The following ACTR3C variants were observed in gnomAD, a reference collection of about 807,000 sequenced individuals.
ACTR3C encodes the protein actin-related protein 3C.
Under a neutral mutation model 26.3 loss-of-function variants are expected in ACTR3C, and 18 were observed. That is an observed-to-expected ratio of 0.68 (90% confidence interval 0.47 to 1.01). The LOEUF is 1.01. ACTR3C is among the 50% of genes least tolerant of loss of function. ACTR3C has a pLI of 0.00. For synonymous variants in ACTR3C, 55 were observed against 94.5 expected (o/e 0.58, Z 2.42); for missense variants, 184 against 250.7 (o/e 0.73, Z 1.80).
the ACTR3C span, among the ~76,000 whole-genome samples, chr7:150,204,852 T>C: frequency 6.6e-6 from 1 of 150,590 alleles, no homozygotes; most frequent in Non-Finnish European, 1.5e-5. Context: ...GACTGGCGAG[T>C]GCAGAGGAGG....
At chr7:150,088,607 C>T in the ACTR3C span, among the ~76,000 whole-genome samples, 4 of 152,130 alleles carry the variant, frequency 2.6e-5, no homozygotes, top group Admixed American at 2.0e-4. Flanking sequence ...ATAACACCTA[C>T]TTTGCCTTTT....
At chr7:149,893,041 A>G in the ACTR3C span, among the ~76,000 whole-genome samples, 12 of 152,362 alleles carry the variant, frequency 7.9e-5, no homozygotes, top group East Asian at 3.9e-4. Context: ...TTGGGAATAT[A>G]CTTAGCAGTA....
the ACTR3C span, among the ~76,000 whole-genome samples, chr7:149,984,047 T>C: frequency 6.6e-6 from 1 of 152,214 alleles, no homozygotes; most frequent in Non-Finnish European, 1.5e-5. Flanking sequence ...TATCCTACTG[T>C]GCTTTCAGTT....
the ACTR3C span, among the ~76,000 whole-genome samples, chr7:150,174,502 A>AGT: frequency 7.1e-6 from 1 of 141,408 alleles, no homozygotes; most frequent in Non-Finnish European, 1.5e-5. Flanking sequence ...GGACACAGCC[A>AGT]GACCATATCA....
At chr7:149,994,502 C>T in the ACTR3C span, among the ~76,000 whole-genome samples, 6 of 152,140 alleles carry the variant, frequency 3.9e-5, no homozygotes, top group African/African-American at 9.6e-5. Context: ...GAGGCTGAGG[C>T]GGGAGAATCG....
the ACTR3C span, among the ~76,000 whole-genome samples, chr7:150,229,651 ATT>A: frequency 3.0e-4 from 40 of 134,250 alleles, no homozygotes; most frequent in East Asian, 1.3e-3. Flanking sequence ...CACACAGCTA[ATT>A]TTTTTTTTTT....
At chr7:150,036,870 G>GA in the ACTR3C span, among the ~76,000 whole-genome samples, 3 of 126,184 alleles carry the variant, frequency 2.4e-5, no homozygotes, top group South Asian at 2.4e-4. Context: ...GCCAGGGGGG[G>GA]ATGAGGGTCT....
chr7:150,023,229 CTATA>C, the ACTR3C span, among the ~76,000 whole-genome samples: 22 of 139,632 alleles, frequency 1.6e-4, no homozygotes, highest in Admixed American at 4.4e-4. Context: ...ATATAGATCT[CTATA>C]TATCTCTCTA....
chr7:150,063,826 A>G, the ACTR3C span, among the ~76,000 whole-genome samples: 2 of 152,032 alleles, frequency 1.3e-5, no homozygotes, highest in African/African-American at 4.8e-5. Flanking sequence ...TCCCCACTGG[A>G]ACATGGATTA....
At chr7:150,297,051 A>G (rs1408352065) in intron 1 of ACTR3C, among the ~76,000 whole-genome samples, 1 of 152,212 alleles carries the variant, frequency 6.6e-6, no homozygotes, top group Non-Finnish European at 1.5e-5. Context: ...TATAAACAAA[A>G]TTACAGCAGC....
intron 6 of ACTR3C, among the ~76,000 whole-genome samples, chr7:150,260,105 G>A (rs1833533902): frequency 6.6e-6 from 1 of 152,156 alleles, no homozygotes; most frequent in African/African-American, 2.4e-5. Context: ...TGTATATATT[G>A]CCTATAACTG....
chr7:150,019,417 C>A, the ACTR3C span, among the ~76,000 whole-genome samples: 2,238 of 149,224 alleles, frequency 0.015, 57 homozygotes, highest in Middle Eastern at 0.051. Context: ...CAAGGTGAAA[C>A]CCCATCTCTA....
chr7:150,234,401 G>T, the ACTR3C span, among the ~76,000 whole-genome samples: 1 of 152,058 alleles, frequency 6.6e-6, no homozygotes, highest in South Asian at 2.1e-4. Flanking sequence ...AATATTCTGG[G>T]TATATTTCAC....
chr7:150,246,731 C>T (rs1338592248), downstream of ACTR3C: 1 of 152,148 alleles, frequency 6.6e-6, no homozygotes, highest in African/African-American at 2.4e-5. Context: ...TGAATTAAAG[C>T]ATAATAATTG....
the ACTR3C span, among the ~76,000 whole-genome samples, chr7:150,115,798 T>C: frequency 6.6e-6 from 1 of 152,218 alleles, no homozygotes; most frequent in Non-Finnish European, 1.5e-5. Context: ...GCAGGACCTG[T>C]GTGTTCAGCA....
chr7:150,299,327 T>C (rs1343939257), intron 1 of ACTR3C, among the ~76,000 whole-genome samples: 1 of 151,170 alleles, frequency 6.6e-6, no homozygotes, highest in Admixed American at 6.6e-5. Context: ...GGTGTGTGCC[T>C]GTAGTCCCAG....
At chr7:149,900,502 A>G in the ACTR3C span, among the ~76,000 whole-genome samples, 1 of 152,082 alleles carries the variant, frequency 6.6e-6, no homozygotes, top group African/African-American at 2.4e-5. Flanking sequence ...GAATAAATAA[A>G]TAAATATTAA....
At chr7:150,119,865 G>A in the ACTR3C span, among the ~76,000 whole-genome samples, 435 of 152,124 alleles carry the variant, frequency 2.9e-3, 3 homozygotes, top group African/African-American at 9.9e-3. Flanking sequence ...GCAAAAGAAC[G>A]GAAATTAAAG....
At chr7:149,956,297 CTGT>C in the ACTR3C span, among the ~76,000 whole-genome samples, 3 of 152,138 alleles carry the variant, frequency 2.0e-5, no homozygotes, top group Non-Finnish European at 4.4e-5. Flanking sequence ...TGTTTCACGC[CTGT>C]AATCCCAGCA....
Sources: allele counts gnomAD v4.1 joint callset (sites outside exome capture counted in the v4.1 genomes callset), GRCh38; gene constraint gnomAD v4.1.1; transcripts MANE v1.5; gene names NCBI Gene and HGNC (gene_info 2026-07-23, HGNC 2026-07-21).